TMPRSS11E: variants seen among roughly 807,000 people sequenced by gnomAD.
TMPRSS11E encodes transmembrane serine protease 11E, also known as transmembrane protease serine 11E.
Under a neutral mutation model 48.1 loss-of-function variants are expected in TMPRSS11E, and 38 were observed. The observed-to-expected ratio is 0.79, with a 90% CI of 0.61 to 1.04. TMPRSS11E has a LOEUF of 1.04. TMPRSS11E is among the 50% of genes least tolerant of loss of function. TMPRSS11E has a pLI of 0.00. For missense variants in TMPRSS11E, 530 were observed against 510.8 expected (o/e 1.04, Z -0.36); for synonymous variants, 158 against 171.9 (o/e 0.92, Z 0.63).
intron 3 of TMPRSS11E, 93 bp downstream of exon 3, chr4:68,466,845 G>C: frequency 6.6e-7 from 1 of 1,518,360 alleles, no homozygotes. Flanking sequence ...TTCAACTAAC[G>C]GATCCCTGTG....
At chr4:68,448,446 T>C (rs1728402420) in intron 1 of TMPRSS11E, among the ~76,000 whole-genome samples, 2 of 152,114 alleles carry the variant, frequency 1.3e-5, no homozygotes, top group South Asian at 4.1e-4. Context: ...TCCCTGCCTT[T>C]TGCAAGTATT....
At chr4:68,482,078 A>G (rs949270902) in intron 9 of TMPRSS11E, among the ~76,000 whole-genome samples, 5 of 152,156 alleles carry the variant, frequency 3.3e-5, no homozygotes, top group African/African-American at 1.2e-4. Flanking sequence ...CTCGGTTTCT[A>G]GGGAGGAAGC....
At chr4:68,479,078 A>T in intron 9 of TMPRSS11E, 87 bp downstream of exon 9, 2 of 1,523,786 alleles carry the variant, frequency 1.3e-6, no homozygotes, top group Non-Finnish European at 1.8e-6. Context: ...AGTTGCAAAG[A>T]TAGTACAGAG....
Position 68,461,911 on chromosome 4 carries a change from G to A in TMPRSS11E, c.102G>A (p.Val34=). 1 of 1,614,160 alleles carries A rather than the reference G, an allele frequency of 6.2e-7. No individual in the cohort carries two copies. Among genetic ancestry groups the A allele is most frequent in the South Asian group, 1.1e-5 (1 of 91,084 alleles). The change falls in exon 2 of 10, where the codon GTG becomes GTA. Residue 34 remains valine (V), a synonymous_variant. Coordinates refer to ENST00000305363, the MANE Select transcript of TMPRSS11E (RefSeq NM_014058.4). ...VIFISLIVLA[V]CIGLTVHYVR... is the part of the protein sequence containing the mutation. ...TCATATCCCTGATTGTCCTGGCAGT[G>A]TGCATTGGACTCACTGTTCATTATG...
intron 2 of TMPRSS11E, among the ~76,000 whole-genome samples, chr4:68,463,604 G>A (rs924658468): frequency 1.3e-5 from 2 of 152,106 alleles, no homozygotes; most frequent in Non-Finnish European, 2.9e-5. Flanking sequence ...TGCTGGGACT[G>A]AAGCATACTT....
rs185187919 is a variant in TMPRSS11E at position 68,493,250 on chromosome 4, C to T, written c.1111-3393C>T. ...TATCCGTACATACCCTGATAAAATC[C>T]CCTCATCCCCTTTCCCTACCAAAAT... On this transcript the variant is annotated intron_variant, in intron 9 of 9. Coordinates refer to ENST00000305363, the MANE Select transcript of TMPRSS11E (RefSeq NM_014058.4). 6.3e-4 allele frequency among the ~76,000 whole-genome samples: 96 copies of T among 151,996 alleles called. No individual in the cohort carries two copies. In the South Asian group the frequency reaches 0.01, roughly 16 times the overall value.
chr4:68,459,001 T>C (rs1356561992), intron 1 of TMPRSS11E, among the ~76,000 whole-genome samples: 2 of 152,178 alleles, frequency 1.3e-5, no homozygotes, highest in Non-Finnish European at 2.9e-5. Context: ...CTTATTATCC[T>C]TGTTTTTCAT....
At chr4:68,449,432 A>G (rs1728434360) in intron 1 of TMPRSS11E, among the ~76,000 whole-genome samples, 2 of 151,610 alleles carry the variant, frequency 1.3e-5, no homozygotes. Flanking sequence ...GACTGAATTT[A>G]TAGGCATCGA....
intron 9 of TMPRSS11E, among the ~76,000 whole-genome samples, chr4:68,479,460 TC>T (rs571338661): frequency 2.1e-3 from 321 of 150,526 alleles, no homozygotes; most frequent in African/African-American, 7.5e-3. Flanking sequence ...TTTTAGTGGT[TC>T]CTTTAAGTTA....
intron 9 of TMPRSS11E, among the ~76,000 whole-genome samples, chr4:68,494,048 A>T (rs1175496677): frequency 6.6e-6 from 1 of 151,852 alleles, no homozygotes; most frequent in African/African-American, 2.4e-5. Context: ...CCTTTGATTA[A>T]TCTTTCTCTC....
At chr4:68,463,468 A>C (rs1728848127) in intron 2 of TMPRSS11E, among the ~76,000 whole-genome samples, 1 of 151,804 alleles carries the variant, frequency 6.6e-6, no homozygotes, top group South Asian at 2.1e-4. Context: ...CACCCGGCTA[A>C]TTTTTTCTAT....
intron 1 of TMPRSS11E, among the ~76,000 whole-genome samples, chr4:68,455,166 G>A (rs1728595061): frequency 6.6e-6 from 1 of 151,892 alleles, no homozygotes; most frequent in Non-Finnish European, 1.5e-5. Flanking sequence ...TAGTTTGACT[G>A]CAAATTATTT....
At chr4:68,457,903 A>T (rs1436908385) in intron 1 of TMPRSS11E, among the ~76,000 whole-genome samples, 1 of 151,936 alleles carries the variant, frequency 6.6e-6, no homozygotes, top group Non-Finnish European at 1.5e-5. Flanking sequence ...GGACACAGGG[A>T]GCAGAACATC....
rs777684117 is a variant in TMPRSS11E at position 68,471,671 on chromosome 4, G to C, written c.490+48G>C. ...TCTTTCATAGAACAGCTTCATGTTA[G>C]GTTTGATCTTGGCACTTATTAAAAA... On this transcript the variant is annotated intron_variant, in intron 5 of 9. Transcript: ENST00000305363. 4.2e-6 allele frequency: 6 copies of C among 1,440,228 alleles called. No homozygotes were observed. In the Admixed American group the frequency reaches 1.5e-4, roughly 37 times the overall value. 89.2% of individuals were successfully genotyped at this position (1,440,228 alleles called of 1,614,324 possible). A position where few individuals can be genotyped will look rare whatever the true frequency, so the allele number is the denominator to read the frequency against.
chr4:68,485,519 A>T (rs1331865944), intron 9 of TMPRSS11E, among the ~76,000 whole-genome samples: 1 of 152,200 alleles, frequency 6.6e-6, no homozygotes, highest in Non-Finnish European at 1.5e-5. Flanking sequence ...GTGGTGGATA[A>T]GCTTTTTGAT....
At chr4:68,481,102 G>A (rs1729387851) in intron 9 of TMPRSS11E, among the ~76,000 whole-genome samples, 1 of 152,068 alleles carries the variant, frequency 6.6e-6, no homozygotes, top group African/African-American at 2.4e-5. Flanking sequence ...AATGGCCTGT[G>A]GCTGCATCCA....
chr4:68,477,611 G>C lies in TMPRSS11E; in HGVS notation c.950G>C (p.Gly317Ala). 6.2e-7 allele frequency: 1 copy of C among 1,612,876 alleles called. No individual in the cohort carries two copies. Among genetic ancestry groups the C allele is most frequent in the Non-Finnish European group, 8.5e-7 (1 of 1,179,504 alleles). ...GATGTGATGTTTGTGACAGGATTTG[G>C]AGCACTGAAAAATGATGGTGAGCAT... ...PGDVMFVTGF[G>A]ALKNDGYSQN... The change falls in exon 8 of 10, where the codon GGA becomes GCA. Residue 317 changes from glycine (G) to alanine (A), a missense_variant. Transcript: ENST00000305363.
intron 1 of TMPRSS11E, among the ~76,000 whole-genome samples, chr4:68,450,069 A>G (rs558303881): frequency 5.3e-5 from 8 of 151,908 alleles, no homozygotes; most frequent in Non-Finnish European, 7.4e-5. Context: ...TAGCAGTGTT[A>G]CCCTGTGACA....
intron 6 of TMPRSS11E, among the ~76,000 whole-genome samples, 186 bp downstream of exon 6, chr4:68,474,947 T>C (rs191543995): frequency 5.3e-5 from 8 of 152,242 alleles, no homozygotes; most frequent in Non-Finnish European, 1.2e-4. Flanking sequence ...GATAGCAAAA[T>C]TGAGATAACT....
Sources: allele counts gnomAD v4.1 joint callset (sites outside exome capture counted in the v4.1 genomes callset), GRCh38; gene constraint gnomAD v4.1.1; transcripts MANE v1.5; gene names NCBI Gene and HGNC (gene_info 2026-07-23, HGNC 2026-07-21).